Variants in TESK2 observed in about 807,000 individuals in gnomAD.
TESK2 encodes the protein dual specificity testis-specific protein kinase 2.
TESK2 carries 39 observed loss-of-function variants against 57.1 expected under a neutral mutation model. The observed-to-expected ratio is 0.68, with a 90% CI of 0.53 to 0.89. TESK2 has a LOEUF of 0.89. Among genes scored for constraint, TESK2 ranks in the 40% least tolerant of loss-of-function variants. The pLI, the probability that TESK2 is intolerant of heterozygous loss-of-function variation, is 0.00. For synonymous variants in TESK2, 249 were observed against 267.9 expected, an observed-to-expected ratio of 0.93 and a Z score of 0.69; for missense variants, 646 against 732.1, an observed-to-expected ratio of 0.88 and a Z score of 1.36.
intron 5 of TESK2, among the ~76,000 whole-genome samples, chr1:45,351,683 A>C (rs1647234429): frequency 6.6e-6 from 1 of 152,234 alleles, no homozygotes; most frequent in Non-Finnish European, 1.5e-5. Flanking sequence ...TCTGTTTTAC[A>C]GACTGGGAGC....
intron 4 of TESK2, among the ~76,000 whole-genome samples, chr1:45,382,264 G>T (rs193201801): frequency 2.8e-4 from 42 of 151,584 alleles, no homozygotes; most frequent in Non-Finnish European, 1.9e-4. Flanking sequence ...TTTGAAACAG[G>T]GTCTTGCTCT....
chr1:45,457,580 A>G lies in TESK2; in HGVS notation c.206T>C (p.Phe69Ser), dbSNP rs1162827663. The G allele has an allele frequency of 6.2e-7, 1 of 1,614,050 alleles. No homozygotes were observed. The part of the protein sequence containing the change: ...FTCEKIGSGF[F>S]SEVFKVRHRA... ...CTCACTCACCTTGAACACTTCAGAA[A>G]AGAAGCCAGACCCTATTTTTTCACA... Residue 69 changes from phenylalanine to serine, a missense_variant, in exon 2 of 11, where the codon TTT (phenylalanine) becomes TCT (serine). Physicochemically the swap from Phe to Ser is radical, Grantham distance 155. Coordinates refer to ENST00000372086, the MANE Select transcript of TESK2 (RefSeq NM_007170.3).
chr1:45,405,609 TG>T (rs1649808954), intron 3 of TESK2, among the ~76,000 whole-genome samples: 1 of 151,252 alleles, frequency 6.6e-6, no homozygotes. Flanking sequence ...CTGCACAACG[TG>T]GTGAAACCCC....
intron 3 of TESK2, among the ~76,000 whole-genome samples, chr1:45,405,363 C>T (rs1361618086): frequency 1.3e-5 from 2 of 152,068 alleles, no homozygotes; most frequent in Non-Finnish European, 2.9e-5. Context: ...AAGTAATCTG[C>T]ACATGTGTAT....
At chr1:45,354,574 C>G (rs1366346509) in intron 5 of TESK2, among the ~76,000 whole-genome samples, 1 of 151,266 alleles carries the variant, frequency 6.6e-6, no homozygotes, top group Non-Finnish European at 1.5e-5. Flanking sequence ...TGCAGTGAGC[C>G]AAGATCACTC....
intron 5 of TESK2, among the ~76,000 whole-genome samples, chr1:45,352,488 T>C (rs1223008493): frequency 2.6e-5 from 4 of 152,184 alleles, no homozygotes; most frequent in African/African-American, 7.2e-5. Flanking sequence ...CAAAGTGCTT[T>C]TGGGGCACAG....
At chr1:45,482,796 A>G (rs1653283279) in intron 1 of TESK2, among the ~76,000 whole-genome samples, 1 of 151,880 alleles carries the variant, frequency 6.6e-6, no homozygotes, top group Non-Finnish European at 1.5e-5. Flanking sequence ...CCTGGCTAAC[A>G]TGGTGAAACC....
chr1:45,388,503 A>G (rs1272404910), intron 3 of TESK2, among the ~76,000 whole-genome samples: 2 of 152,218 alleles, frequency 1.3e-5, no homozygotes, highest in Non-Finnish European at 1.5e-5. Flanking sequence ...AAGTTTTACT[A>G]GAACATAGAT....
intron 1 of TESK2, among the ~76,000 whole-genome samples, chr1:45,458,729 T>C (rs991069699): frequency 2.6e-5 from 4 of 151,844 alleles, no homozygotes; most frequent in Admixed American, 2.6e-4. Context: ...TTATATATTA[T>C]ATAATTTTTA....
At chr1:45,402,440 C>T (rs1349481382) in intron 3 of TESK2, among the ~76,000 whole-genome samples, 3 of 148,664 alleles carry the variant, frequency 2.0e-5, no homozygotes, top group Non-Finnish European at 4.5e-5. Context: ...GAAACAGATG[C>T]ATGCAAAGAT....
At chr1:45,390,986 C>T (rs1299511484) in intron 3 of TESK2, among the ~76,000 whole-genome samples, 1 of 150,078 alleles carries the variant, frequency 6.7e-6, no homozygotes, top group African/African-American at 2.5e-5. Flanking sequence ...GGCGCGATCT[C>T]GGCTCACTGT....
At chr1:45,380,271 G>A (rs1648602517) in intron 4 of TESK2, among the ~76,000 whole-genome samples, 1 of 152,114 alleles carries the variant, frequency 6.6e-6, no homozygotes, top group Non-Finnish European at 1.5e-5. Flanking sequence ...CAATTCAATT[G>A]CTGACTCTCC....
chr1:45,346,663 G>T, intron 9 of TESK2, 30 bp downstream of exon 9: 1 of 1,592,248 alleles, frequency 6.3e-7, no homozygotes, highest in African/African-American at 1.3e-5. Flanking sequence ...GCCAGCCCCT[G>T]ATGAAAGGCA....
intron 4 of TESK2, among the ~76,000 whole-genome samples, chr1:45,360,879 G>A (rs1256786192): frequency 2.6e-5 from 4 of 152,130 alleles, no homozygotes; most frequent in South Asian, 2.1e-4. Flanking sequence ...GTGCAGTGGC[G>A]CCATCTCGGC....
chr1:45,385,463 A>G, intron 4 of TESK2: 4 of 409,118 alleles, frequency 9.8e-6, no homozygotes, highest in Non-Finnish European at 1.3e-5. Flanking sequence ...ATTCTAGATC[A>G]GGACAGCAAA....
At chr1:45,457,903 C>A (rs1400639552) in intron 1 of TESK2, 32 bp from the exon 2 acceptor site, 4 of 752,568 alleles carry the variant, frequency 5.3e-6, no homozygotes, top group Non-Finnish European at 6.4e-6. Flanking sequence ...CCACTGAAAT[C>A]TTTAATGAAT....
intron 4 of TESK2, among the ~76,000 whole-genome samples, chr1:45,376,286 C>T (rs1214614613): frequency 2.4e-5 from 3 of 124,650 alleles, no homozygotes; most frequent in Non-Finnish European, 4.7e-5. Context: ...GGTGTGATTT[C>T]GGCTTTGTAG....
Position 45,384,619 on chromosome 1 carries a change from T to A in TESK2, c.393+1293A>T, listed in dbSNP as rs954623202. 2.0e-3 allele frequency among the ~76,000 whole-genome samples: 275 copies of A among 136,516 alleles called. 6 individuals are homozygous for A. Among genetic ancestry groups the A allele is most frequent in the African/African-American group, 7.5e-3 (264 of 35,190 alleles). 89.6% of individuals were successfully genotyped at this position (136,516 alleles called of 152,430 possible). Reference sequence around the variant, plus strand: ...TTTTTTTTTTTTTTTTTTTTTTTTTTTTTTTTTGTAGAGACAGAGCCTTGC... The same window carrying A: ...TTTTTTTTTTTTTTTTTTTTTTTTTATTTTTTTGTAGAGACAGAGCCTTGC... On this transcript the variant is annotated intron_variant, in intron 4 of 10. Coordinates refer to ENST00000372086, the MANE Select transcript of TESK2 (RefSeq NM_007170.3).
intron 3 of TESK2, among the ~76,000 whole-genome samples, chr1:45,417,908 G>T (rs1483187711): frequency 1.3e-5 from 2 of 152,082 alleles, no homozygotes; most frequent in African/African-American, 2.4e-5. Context: ...TCTTTTAGTA[G>T]TTTTACAGTT....
Sources: gnomAD v4.1 joint callset for allele counts (sites outside exome capture counted in the v4.1 genomes callset) on GRCh38, gnomAD v4.1.1 for gene constraint, MANE v1.5 for transcripts, NCBI Gene and HGNC (gene_info 2026-07-23, HGNC 2026-07-21) for gene names.